PCDH15: variants seen among roughly 807,000 people sequenced by gnomAD.
PCDH15 encodes the protein protocadherin related 15.
PCDH15 carries 129 observed loss-of-function variants against 178.5 expected under a neutral mutation model. The ratio of observed to expected loss-of-function variants is 0.72; its 90% CI spans 0.63 to 0.84. PCDH15 has a LOEUF of 0.84. PCDH15 is among the 40% of genes least tolerant of loss of function. PCDH15 has a pLI of 0.00. For missense variants in PCDH15, 2,230 were observed against 2,099.9 expected (o/e 1.06, Z -1.21); for synonymous variants, 800 against 732.0 (o/e 1.09, Z -1.50).
intron 1 of PCDH15, among the ~76,000 whole-genome samples, chr10:55,169,364 A>T (rs923555740): frequency 2.6e-5 from 4 of 152,194 alleles, no homozygotes; most frequent in African/African-American, 7.2e-5. Flanking sequence ...TGTTTCCTTT[A>T]AAAAATGTGT....
intron 2 of PCDH15, among the ~76,000 whole-genome samples, chr10:54,534,774 G>A (rs760633348): frequency 6.6e-6 from 1 of 152,168 alleles, no homozygotes; most frequent in Non-Finnish European, 1.5e-5. Flanking sequence ...AGCAGCAGGA[G>A]AGGGACTTTT....
chr10:53,889,324 C>T (rs979633857), intron 26 of PCDH15, among the ~76,000 whole-genome samples: 4 of 151,840 alleles, frequency 2.6e-5, no homozygotes, highest in Non-Finnish European at 4.4e-5. Context: ...GATATGCAAT[C>T]CAGAGTATAT....
chr10:55,322,001 T>C (rs138043371), upstream of PCDH15, among the ~76,000 whole-genome samples: 7 of 152,248 alleles, frequency 4.6e-5, no homozygotes, highest in East Asian at 1.4e-3. Context: ...AAACTGCAAA[T>C]ATCAATACTA....
chr10:55,038,555 C>T (rs12264342), intron 2 of PCDH15, among the ~76,000 whole-genome samples: 1,584 of 152,252 alleles, frequency 0.01, 12 homozygotes, highest in Non-Finnish European at 0.011. Context: ...CTCTTTTATA[C>T]GAGTCTGGTT....
chr10:54,438,349 G>A (rs1010216673), intron 3 of PCDH15, among the ~76,000 whole-genome samples: 4 of 150,454 alleles, frequency 2.7e-5, no homozygotes, highest in Non-Finnish European at 5.9e-5. Context: ...TCTTCTGTCG[G>A]GGAGTGAATT....
intron 3 of PCDH15, among the ~76,000 whole-genome samples, chr10:54,490,664 G>A (rs545462243): frequency 5.2e-4 from 79 of 152,060 alleles, no homozygotes; most frequent in African/African-American, 1.7e-3. Context: ...CACCCGATCC[G>A]CTGAATCAGA....
At position 53,831,437 on chromosome 10, in the gene PCDH15, C is replaced by T. The variant is rs111033499; in HGVS notation, c.4080G>A (p.Val1360=). The T allele has an allele frequency of 2.5e-4, 401 of 1,614,020 alleles. No homozygotes were observed. The highest frequency in any genetic ancestry group is 3.1e-4 in the Non-Finnish European group (365 of 1,180,020). ...TTTCTCCTCTCTTTTTAATGCTGGT[C>T]ACTGCCTCTGGAGTCCGGATCTCCA... is the stretch of plus-strand genomic sequence containing the variant. ...RILEIRTPEA[V]TSIKKRGESL... The change falls in exon 30 of 38, where the codon GTG becomes GTA. Residue 1360 remains valine, a synonymous_variant. Transcript: ENST00000644397.
At chr10:54,566,293 A>G (rs2089021010) in intron 2 of PCDH15, among the ~76,000 whole-genome samples, 1 of 152,096 alleles carries the variant, frequency 6.6e-6, no homozygotes, top group Non-Finnish European at 1.5e-5. Flanking sequence ...AGCATCCCCC[A>G]CCAACGTGGT....
At chr10:55,082,802 A>C (rs765946863) in intron 2 of PCDH15, among the ~76,000 whole-genome samples, 2 of 151,824 alleles carry the variant, frequency 1.3e-5, no homozygotes, top group Non-Finnish European at 1.5e-5. Context: ...TTGGGAATAC[A>C]TTGATAAATG....
chr10:54,853,396 T>TACAC (rs35906926), intron 3 of PCDH15, among the ~76,000 whole-genome samples: 1 of 74,810 alleles, frequency 1.3e-5, no homozygotes, highest in Non-Finnish European at 2.5e-5. Context: ...TACATATATA[T>TACAC]ACACACACAT....
chr10:54,911,339 A>C (rs2131834812), intron 2 of PCDH15, among the ~76,000 whole-genome samples: 1 of 152,348 alleles, frequency 6.6e-6, no homozygotes, highest in Admixed American at 6.5e-5. Context: ...TATAAGTTTT[A>C]GAAATCCTAA....
In PCDH15 at chr10:54,118,750, G is replaced by T. The variant is rs12250965; in HGVS notation, c.1917+14125C>A. ...CTAAAAACTAAAACTATAATTCCTA[G>T]AAGAAAACCTAGGAAAGTTTTATTT... On this transcript the variant is annotated intron_variant, in intron 15 of 37. Transcript: ENST00000644397. 8.6e-3 allele frequency among the ~76,000 whole-genome samples: 1,275 copies of T among 149,056 alleles called. 22 individuals carry two copies. Among genetic ancestry groups the T allele is most frequent in the African/African-American group, 0.029 (1,153 of 40,016 alleles).
chr10:55,326,248 G>A (rs962687479), intron 2 of PCDH15, among the ~76,000 whole-genome samples: 3 of 152,018 alleles, frequency 2.0e-5, no homozygotes, highest in Non-Finnish European at 2.9e-5. Context: ...TACCCAAAGG[G>A]ATATTAATTA....
intron 2 of PCDH15, among the ~76,000 whole-genome samples, chr10:55,137,637 CA>C (rs1313587012): frequency 6.6e-6 from 1 of 151,312 alleles, no homozygotes; most frequent in Non-Finnish European, 1.5e-5. Context: ...TTAGTTGAAA[CA>C]GGTCAAATAT....
At chr10:53,890,124 A>T (rs1338938355) in intron 26 of PCDH15, among the ~76,000 whole-genome samples, 1 of 152,194 alleles carries the variant, frequency 6.6e-6, no homozygotes, top group African/African-American at 2.4e-5. Flanking sequence ...AATAAAAATT[A>T]TACATCAAAA....
At chr10:54,824,158 C>T (rs973478911) in intron 3 of PCDH15, among the ~76,000 whole-genome samples, 1 of 152,060 alleles carries the variant, frequency 6.6e-6, no homozygotes, top group African/African-American at 2.4e-5. Context: ...CTTTCTTTAG[C>T]TCTCTCACTA....
At chr10:54,164,297 T>C (rs181404778) in intron 13 of PCDH15, among the ~76,000 whole-genome samples, 12 of 151,990 alleles carry the variant, frequency 7.9e-5, no homozygotes, top group African/African-American at 2.9e-4. Flanking sequence ...ATATTTCATC[T>C]CTCTGCCTCA....
At chr10:54,979,021 A>C (rs1213200951) in intron 2 of PCDH15, among the ~76,000 whole-genome samples, 2 of 152,188 alleles carry the variant, frequency 1.3e-5, no homozygotes, top group African/African-American at 4.8e-5. Context: ...TTTAGCTACA[A>C]TCTTGTGATG....
At chr10:55,490,389 T>C (rs1840385736) in intron 2 of PCDH15, among the ~76,000 whole-genome samples, 1 of 151,724 alleles carries the variant, frequency 6.6e-6, no homozygotes, top group African/African-American at 2.4e-5. Context: ...CACACAAAAC[T>C]CCATGAGTCT....
Sources: gnomAD v4.1 joint callset for allele counts (sites outside exome capture counted in the v4.1 genomes callset) on GRCh38, gnomAD v4.1.1 for gene constraint, MANE v1.5 for transcripts, NCBI Gene and HGNC (gene_info 2026-07-23, HGNC 2026-07-21) for gene names.